OPCML: variants seen among roughly 807,000 people sequenced by gnomAD.
OPCML encodes the protein opioid binding protein/cell adhesion molecule like.
OPCML carries 13 observed loss-of-function variants against 37.8 expected under a neutral mutation model. The ratio of observed to expected loss-of-function variants is 0.34; its 90% CI spans 0.22 to 0.55. OPCML has a LOEUF of 0.55. Ranked by LOEUF, OPCML falls within the 20% of genes least tolerant of loss-of-function variation. OPCML has a pLI of 0.91. For synonymous variants in OPCML, 176 were observed against 168.8 expected (o/e 1.04, Z -0.33); for missense variants, 341 against 435.6 (o/e 0.78, Z 1.93).
intron 3 of OPCML, among the ~76,000 whole-genome samples, chr11:132,592,405 A>G (rs1037330675): frequency 6.6e-6 from 1 of 152,206 alleles, no homozygotes; most frequent in African/African-American, 2.4e-5. Context: ...ATCTGGAAAA[A>G]AAATGGAGAA....
chr11:133,478,183 C>T (rs1208244473), intron 1 of OPCML, among the ~76,000 whole-genome samples: 1 of 152,162 alleles, frequency 6.6e-6, no homozygotes, highest in Non-Finnish European at 1.5e-5. Flanking sequence ...ACATCCTGAG[C>T]TTCGAGACAT....
chr11:133,359,702 G>T (rs1028835909), intron 1 of OPCML, among the ~76,000 whole-genome samples: 8 of 152,114 alleles, frequency 5.3e-5, no homozygotes, highest in African/African-American at 1.9e-4. Context: ...CTATACATTT[G>T]TATTGTGGGT....
chr11:133,008,287 A>T, intron 1 of OPCML: 2 of 985,414 alleles, frequency 2.0e-6, no homozygotes, highest in South Asian at 4.7e-5. Context: ...TTGACAATCA[A>T]TTGTGGTGCA....
intron 1 of OPCML, among the ~76,000 whole-genome samples, chr11:133,390,705 A>G (rs1473096292): frequency 2.0e-5 from 3 of 152,130 alleles, no homozygotes; most frequent in African/African-American, 7.2e-5. Context: ...TGTGAATTAT[A>G]TGGAGGAAGT....
intron 1 of OPCML, among the ~76,000 whole-genome samples, chr11:132,961,691 G>C (rs1016341720): frequency 6.6e-6 from 1 of 152,190 alleles, no homozygotes; most frequent in African/African-American, 2.4e-5. Flanking sequence ...TCATCTGTAC[G>C]ATGAGCCCCT....
intron 1 of OPCML, among the ~76,000 whole-genome samples, chr11:133,072,391 A>G (rs2137012203): frequency 6.6e-6 from 1 of 152,366 alleles, no homozygotes; most frequent in East Asian, 1.9e-4. Flanking sequence ...AAAGGCAACG[A>G]CAGCATAATT....
At chr11:133,082,460 T>C (rs1328998175) in intron 1 of OPCML, among the ~76,000 whole-genome samples, 1 of 43,484 alleles carries the variant, frequency 2.3e-5, no homozygotes, top group Non-Finnish European at 4.3e-5. Flanking sequence ...CTCCTCCCCA[T>C]CCTCCCCATC....
chr11:133,042,572 AAC>A (rs1947924263), intron 1 of OPCML, among the ~76,000 whole-genome samples: 1 of 152,160 alleles, frequency 6.6e-6, no homozygotes, highest in Non-Finnish European at 1.5e-5. Context: ...TCTAATCCCA[AAC>A]ACAGTTCCCA....
chr11:133,000,929 A>G lies in OPCML; in HGVS notation c.62-57919T>C, dbSNP rs143433974. On this transcript the variant is annotated intron_variant, in intron 1 of 7. Coordinates refer to ENST00000524381, the MANE Select transcript of OPCML (RefSeq NM_001012393.5). ...TTCCTGTGAGATCCAGTTGTTTAAC[A>G]CAGTATGGCAGCTCCCCTGCCTCCT... Among the ~76,000 whole-genome samples the G allele has an allele frequency of 2.6e-3, 395 of 152,304 alleles. 2 individuals carry two copies. The highest frequency in any genetic ancestry group is 9.0e-3 in the African/African-American group (373 of 41,568).
chr11:133,274,474 A>G (rs1280980713), intron 1 of OPCML, among the ~76,000 whole-genome samples: 1 of 152,328 alleles, frequency 6.6e-6, no homozygotes, highest in East Asian at 1.9e-4. Flanking sequence ...TCAGTGAAAC[A>G]CCAGACATGG....
At position 133,077,100 on chromosome 11, in the gene OPCML, CTCTAGAGTGATGCTAGGGAAA is replaced by C. The variant is rs1171295348; in HGVS notation, c.62-134111_62-134091del. Among the ~76,000 whole-genome samples, 9 of 152,186 alleles carry C rather than the reference CTCTAGAGTGATGCTAGGGAAA, an allele frequency of 5.9e-5. No individual in the cohort carries two copies. The East Asian group carries it at 1.4e-3, about 23-fold the overall frequency. On this transcript the variant is annotated intron_variant, in intron 1 of 7. Coordinates refer to ENST00000524381, the MANE Select transcript of OPCML (RefSeq NM_001012393.5). Reference sequence around the variant, plus strand: ...GTATCACTCTTTCTGGGTTGCGGTTCTCTAGAGTGATGCTAGGGAAATCAGATGAGGTGGACTTCTGAGCTT... The same window carrying C: ...GTATCACTCTTTCTGGGTTGCGGTTCTCAGATGAGGTGGACTTCTGAGCTT...
intron 2 of OPCML, among the ~76,000 whole-genome samples, chr11:132,853,021 T>C (rs2136334331): frequency 6.6e-6 from 1 of 152,334 alleles, no homozygotes; most frequent in South Asian, 2.1e-4. Flanking sequence ...AGCAATTGTG[T>C]CATCATTTGA....
At chr11:132,463,855 A>G (rs527238721) in intron 4 of OPCML, among the ~76,000 whole-genome samples, 2 of 152,318 alleles carry the variant, frequency 1.3e-5, no homozygotes, top group South Asian at 4.1e-4. Context: ...TAGTCTAGCT[A>G]CTGTGCATAT....
intron 2 of OPCML, among the ~76,000 whole-genome samples, chr11:132,876,922 A>G (rs1204334528): frequency 6.6e-6 from 1 of 152,154 alleles, no homozygotes; most frequent in African/African-American, 2.4e-5. Context: ...CTGTTAAAGG[A>G]AGCAAAACAA....
At chr11:133,070,432 TCTCTACCCAGCATCGC>T (rs1463828887) in intron 1 of OPCML, among the ~76,000 whole-genome samples, 2 of 152,072 alleles carry the variant, frequency 1.3e-5, no homozygotes, top group African/African-American at 4.8e-5. Flanking sequence ...GATTTCATAA[TCTCTACCCAGCATCGC>T]CTGGGAGAAA....
intron 1 of OPCML, among the ~76,000 whole-genome samples, chr11:132,949,805 C>T (rs768156251): frequency 1.4e-4 from 22 of 151,910 alleles, no homozygotes; most frequent in East Asian, 1.4e-3. Flanking sequence ...CTTTTCTGCA[C>T]GGGTGTGTAA....
chr11:132,825,035 C>A (rs1940215588), intron 2 of OPCML, among the ~76,000 whole-genome samples: 1 of 152,162 alleles, frequency 6.6e-6, no homozygotes, highest in Non-Finnish European at 1.5e-5. Flanking sequence ...CTGCTTCAGT[C>A]TCTACTATGT....
chr11:133,063,183 G>A (rs1024894647), intron 1 of OPCML, among the ~76,000 whole-genome samples: 1 of 152,212 alleles, frequency 6.6e-6, no homozygotes, highest in Admixed American at 6.5e-5. Context: ...CAGTCTATAA[G>A]AGTTACCCAG....
intron 4 of OPCML, among the ~76,000 whole-genome samples, chr11:132,518,161 T>C (rs1158175920): frequency 6.6e-6 from 1 of 152,204 alleles, no homozygotes; most frequent in Admixed American, 6.5e-5. Context: ...GCTGCGCCTA[T>C]CAACCCATCA....
Sources: gnomAD v4.1 joint callset for allele counts (sites outside exome capture counted in the v4.1 genomes callset) on GRCh38, gnomAD v4.1.1 for gene constraint, MANE v1.5 for transcripts, NCBI Gene and HGNC (gene_info 2026-07-23, HGNC 2026-07-21) for gene names.